The following KDM4D variants were observed in gnomAD, a reference collection of about 807,000 sequenced individuals.
KDM4D encodes the protein lysine demethylase 4D.
For synonymous variants in KDM4D, 254 were observed against 249.1 expected (o/e 1.02, Z -0.19); for missense variants, 427 against 674.8 (o/e 0.63, Z 4.07).
At chr11:94,976,967 CA>C (rs1206067165) in intron 2 of KDM4D, among the ~76,000 whole-genome samples, 2 of 151,936 alleles carry the variant, frequency 1.3e-5, no homozygotes, top group East Asian at 3.9e-4. Context: ...CTGTAGATGC[CA>C]AAAACAAGTC....
chr11:94,998,680 C>T lies in KDM4D; in HGVS notation c.1308C>T (p.Thr436=). The T allele has an allele frequency of 6.2e-7, 1 of 1,614,228 alleles. No individual in the cohort carries two copies. The highest frequency in any genetic ancestry group is 1.7e-5 in the Admixed American group (1 of 60,030). ...SKKPSSTPSS[T]PGPSAQIIHP... ...AGCCCAGCTCAACTCCATCATCCACCCCTGGTCCATCTGCACAGATTATCC... is the reference window on the plus strand; with the variant it reads ...AGCCCAGCTCAACTCCATCATCCACTCCTGGTCCATCTGCACAGATTATCC... The change falls in exon 3 of 3, where the codon ACC becomes ACT. Residue 436 remains threonine, a synonymous_variant. Transcript: ENST00000335080. This position sits in a 1 kb window ranked among gnomAD's most constrained non-coding sequence, Gnocchi z 6.7.
chr11:94,991,970 C>T (rs1857938728), intron 2 of KDM4D, among the ~76,000 whole-genome samples: 1 of 151,930 alleles, frequency 6.6e-6, no homozygotes, highest in Non-Finnish European at 1.5e-5. Context: ...GAATCATATT[C>T]ATATCCTCTT....
At position 94,998,281 on chromosome 11, in the gene KDM4D, T is replaced by C; in HGVS notation, c.909T>C (p.Tyr303=). The change falls in exon 3 of 3, where the codon TAT becomes TAC. Residue 303 remains tyrosine, a synonymous_variant. Coordinates refer to ENST00000335080, the MANE Select transcript of KDM4D (RefSeq NM_018039.3). This position sits in a 1 kb window ranked among gnomAD's most constrained non-coding sequence, Gnocchi z 6.7. Reference sequence around the variant, plus strand: ...TTGCCACTCCGCGATGGATTGATTATGGCAAAATGGCCTCCCAGTGTAGCT... The same window carrying C: ...TTGCCACTCCGCGATGGATTGATTACGGCAAAATGGCCTCCCAGTGTAGCT... ...INFATPRWID[Y]GKMASQCSCG... is the part of the protein sequence containing the mutation. 1.2e-6 allele frequency: 2 copies of C among 1,614,254 alleles called. No homozygotes were observed. Among genetic ancestry groups the C allele is most frequent in the Non-Finnish European group, 1.7e-6 (2 of 1,180,038 alleles).
chr11:94,991,277 G>A (rs1857932153), intron 2 of KDM4D, among the ~76,000 whole-genome samples: 1 of 152,064 alleles, frequency 6.6e-6, no homozygotes, highest in Non-Finnish European at 1.5e-5. Flanking sequence ...TGCCTTTTTT[G>A]TGCTGTACTT....
intron 2 of KDM4D, among the ~76,000 whole-genome samples, chr11:94,976,474 A>G (rs1555096999): frequency 6.6e-6 from 1 of 152,054 alleles, no homozygotes; most frequent in African/African-American, 2.4e-5. Context: ...GATTCTCATT[A>G]TTACTGGAGA....
chr11:94,973,895 C>G lies in KDM4D; in HGVS notation c.-618C>G, dbSNP rs587626208. 6 of 152,400 alleles carry G rather than the reference C, an allele frequency of 3.9e-5. No individual in the cohort carries two copies. Among genetic ancestry groups the G allele is most frequent in the African/African-American group, 1.4e-4 (6 of 41,590 alleles). The allele number at this position is 152,400 out of a possible 1,614,324, so 9.4% of individuals were successfully genotyped here. ...CACGTCCCCGGCTAGCGGGAGAGAG[C>G]GTGGAAAAGGATTACACCAAACTGT... is the stretch of plus-strand genomic sequence containing the variant. On this transcript the variant is annotated 5_prime_UTR_variant, in exon 1 of 3. Transcript: ENST00000335080.
intron 2 of KDM4D, among the ~76,000 whole-genome samples, chr11:94,982,263 GA>G (rs1857847831): frequency 1.3e-5 from 2 of 151,882 alleles, no homozygotes; most frequent in East Asian, 1.9e-4. Context: ...ATAGAACTTG[GA>G]AAAATATATA....
At chr11:94,982,555 AAAAAG>A (rs1857850464) in intron 2 of KDM4D, among the ~76,000 whole-genome samples, 1 of 151,482 alleles carries the variant, frequency 6.6e-6, no homozygotes, top group East Asian at 1.9e-4. Flanking sequence ...AAAAAAAAAA[AAAAAG>A]AGACATGACT....
Position 94,974,015 on chromosome 11 carries a change from A to G in KDM4D, c.-498A>G, listed in dbSNP as rs1857773418. The G allele has an allele frequency of 6.6e-6, 1 of 152,270 alleles. No individual in the cohort carries two copies. The allele number at this position is 152,270 out of a possible 1,614,324, so 9.4% of individuals were successfully genotyped here. On this transcript the variant is annotated 5_prime_UTR_variant, in exon 1 of 3. Coordinates refer to ENST00000335080, the MANE Select transcript of KDM4D (RefSeq NM_018039.3). ...TCGGAAAAACTAGTGTTTTCATTTA[A>G]TTGGATATGAAGAAAGAACAAATAT...
intron 2 of KDM4D, among the ~76,000 whole-genome samples, chr11:94,988,089 A>T (rs1857903563): frequency 6.6e-6 from 1 of 152,234 alleles, no homozygotes; most frequent in African/African-American, 2.4e-5. Context: ...ACAATGATTG[A>T]CAAAGAAGAC....
chr11:94,987,224 G>C (rs587599704), intron 2 of KDM4D, among the ~76,000 whole-genome samples: 2 of 152,246 alleles, frequency 1.3e-5, no homozygotes, highest in African/African-American at 4.8e-5. Flanking sequence ...TCTAAAATTA[G>C]GTTTTGGTGA....
Position 94,997,829 on chromosome 11 carries a change from A to T in KDM4D, c.457A>T (p.Asn153Tyr). The stretch of plus-strand genomic sequence containing the variant: ...GTTTGATGAAAACACTAAACAATGG[A>T]ATCTTGGGCACCTGGGAACAATTCA... ...SLFDENTKQW[N>Y]LGHLGTIQDL... is the part of the protein sequence containing the mutation. The change falls in exon 3 of 3, where the codon AAT (asparagine) becomes TAT (tyrosine). Residue 153 changes from asparagine (N) to tyrosine (Y), a missense_variant. Asn to Tyr is a moderately radical substitution (Grantham distance 143). Transcript: ENST00000335080. 6.2e-7 allele frequency: 1 copy of T among 1,614,234 alleles called. No individual in the cohort carries two copies. The highest frequency in any genetic ancestry group is 8.5e-7 in the Non-Finnish European group (1 of 1,180,042).
Position 94,997,296 on chromosome 11 carries a change from T to A in KDM4D, c.-77T>A, listed in dbSNP as rs984340215. On this transcript the variant is annotated 5_prime_UTR_variant, in exon 3 of 3. Coordinates refer to ENST00000335080, the MANE Select transcript of KDM4D (RefSeq NM_018039.3). ...CCTCATAGATAACACCAGTCAAATTTTTTTTTAAAGTAGCATTTTCCTACA... is the reference window on the plus strand; with the variant it reads ...CCTCATAGATAACACCAGTCAAATTATTTTTTAAAGTAGCATTTTCCTACA... 4.5e-5 allele frequency: 56 copies of A among 1,238,464 alleles called. No individual in the cohort carries two copies. The East Asian group carries it at 1.3e-3, about 29-fold the overall frequency. The allele number at this position is 1,238,464 out of a possible 1,614,324, so 76.7% of individuals were successfully genotyped here.
chr11:94,982,741 A>T (rs1357566356), intron 2 of KDM4D, among the ~76,000 whole-genome samples: 3 of 151,916 alleles, frequency 2.0e-5, no homozygotes, highest in Non-Finnish European at 4.4e-5. Flanking sequence ...ATAGAAAAAA[A>T]TTTCCATGTA....
In KDM4D at chr11:94,998,765, C is replaced by T; in HGVS notation, c.1393C>T (p.Leu465=). ...RPPQKLRAQE[L]TLQTPAKRPL... ...TCCTCAGAAACTGAGAGCTCAGGAG[C>T]TGACCCTCCAGACTCCAGCCAAGAG... is the stretch of plus-strand genomic sequence containing the variant. The change falls in exon 3 of 3, where the codon CTG becomes TTG. Residue 465 remains leucine (L), a synonymous_variant. Transcript: ENST00000335080. This position sits in a 1 kb window ranked among gnomAD's most constrained non-coding sequence, Gnocchi z 6.7. 6.2e-7 allele frequency: 1 copy of T among 1,611,962 alleles called. No individual in the cohort carries two copies. Among genetic ancestry groups the T allele is most frequent in the Non-Finnish European group, 8.5e-7 (1 of 1,178,320 alleles).
intron 2 of KDM4D, among the ~76,000 whole-genome samples, chr11:94,983,059 T>C (rs1348059347): frequency 1.3e-5 from 2 of 151,944 alleles, no homozygotes; most frequent in African/African-American, 4.8e-5. Context: ...TTGAAAAAAG[T>C]TGAATAAGTA....
rs782769893 is a variant in KDM4D at position 94,997,532 on chromosome 11, C to G, written c.160C>G (p.Pro54Ala). Reference sequence around the variant, plus strand: ...AGCTGGCTTGGCTAAGATAATTCCACCCAAAGAATGGAAAGCCAGAGAGAC... The same window carrying G: ...AGCTGGCTTGGCTAAGATAATTCCAGCCAAAGAATGGAAAGCCAGAGAGAC... ...HRAGLAKIIPPKEWKARETYD... is the reference protein window; with the variant it reads ...HRAGLAKIIPAKEWKARETYD... The change falls in exon 3 of 3, where the codon CCC (proline) becomes GCC (alanine). Residue 54 changes from proline to alanine, a missense_variant. Transcript: ENST00000335080. 6.2e-7 allele frequency: 1 copy of G among 1,614,096 alleles called. No individual in the cohort carries two copies. Among genetic ancestry groups the G allele is most frequent in the Non-Finnish European group, 8.5e-7 (1 of 1,180,014 alleles).
chr11:94,996,290 G>C (rs1555099211), intron 2 of KDM4D, among the ~76,000 whole-genome samples: 1 of 152,076 alleles, frequency 6.6e-6, no homozygotes, highest in Non-Finnish European at 1.5e-5. Context: ...ATTCTGATGG[G>C]TATGAAACCA....
At chr11:94,992,438 T>C (rs1857942799) in intron 2 of KDM4D, among the ~76,000 whole-genome samples, 1 of 152,066 alleles carries the variant, frequency 6.6e-6, no homozygotes, top group Non-Finnish European at 1.5e-5. Context: ...AAAAGACTAA[T>C]ATTTATGAAA....
Sources: allele counts gnomAD v4.1 joint callset (sites outside exome capture counted in the v4.1 genomes callset), GRCh38; gene constraint gnomAD v4.1.1; non-coding constraint Gnocchi (gnomAD v3.1); transcripts MANE v1.5; gene names NCBI Gene and HGNC (gene_info 2026-07-23, HGNC 2026-07-21).